Variants in NCKAP5 observed in about 807,000 individuals in gnomAD.
NCKAP5 encodes nck-associated protein 5.
In NCKAP5, 92 loss-of-function variants were observed where a neutral mutation model predicts 167.0. That is an observed-to-expected ratio of 0.55 (90% CI 0.47 to 0.66). The LOEUF is 0.66. Among genes scored for constraint, NCKAP5 ranks in the 30% least tolerant of loss-of-function variants. NCKAP5 has a pLI of 0.00. For synonymous variants in NCKAP5, 891 were observed against 877.4 expected (o/e 1.02, Z -0.27); for missense variants, 2,378 against 2,315.0 (o/e 1.03, Z -0.56).
At chr2:133,238,298 T>C (rs1022736180) in intron 4 of NCKAP5, among the ~76,000 whole-genome samples, 1 of 152,170 alleles carries the variant, frequency 6.6e-6, no homozygotes, top group African/African-American at 2.4e-5. Flanking sequence ...AGAAATAGAA[T>C]CAGTGGATAG....
chr2:133,547,456 C>T (rs1395597325), intron 2 of NCKAP5, among the ~76,000 whole-genome samples: 2 of 152,066 alleles, frequency 1.3e-5, no homozygotes, highest in Non-Finnish European at 2.9e-5. Context: ...CAGCAGTAAC[C>T]TCTGCAGACT....
chr2:133,473,323 C>T (rs1369381941), intron 3 of NCKAP5, among the ~76,000 whole-genome samples: 1 of 148,072 alleles, frequency 6.8e-6, no homozygotes, highest in Non-Finnish European at 1.5e-5. Flanking sequence ...CAGAGCGAGA[C>T]TCCGTCTCAA....
upstream of NCKAP5, among the ~76,000 whole-genome samples, chr2:133,572,953 T>C (rs78313898): frequency 8.4e-3 from 1,279 of 152,304 alleles, 16 homozygotes; most frequent in African/African-American, 0.028. Context: ...CAGACATTGA[T>C]AAAGATCATG....
At chr2:133,321,429 T>G (rs901574312) in intron 3 of NCKAP5, among the ~76,000 whole-genome samples, 16 of 152,248 alleles carry the variant, frequency 1.1e-4, no homozygotes, top group African/African-American at 3.9e-4. Flanking sequence ...ATTCATGTTG[T>G]CTTTACACAT....
intron 3 of NCKAP5, among the ~76,000 whole-genome samples, chr2:133,443,205 C>A (rs1380218482): frequency 6.6e-6 from 1 of 152,206 alleles, no homozygotes; most frequent in Non-Finnish European, 1.5e-5. Context: ...CTCGCTGTCT[C>A]CTTGCCCTGC....
upstream of NCKAP5, among the ~76,000 whole-genome samples, chr2:133,571,737 T>G (rs1013204171): frequency 6.6e-6 from 1 of 152,120 alleles, no homozygotes; most frequent in Admixed American, 6.5e-5. Flanking sequence ...ATGACATGTA[T>G]TACAAGGGAC....
intron 16 of NCKAP5, among the ~76,000 whole-genome samples, chr2:132,733,999 G>A (rs1244893823): frequency 4.6e-5 from 7 of 152,174 alleles, no homozygotes; most frequent in Admixed American, 6.5e-5. Flanking sequence ...GCCATGGGAT[G>A]TTTGGTCATG....
chr2:133,476,232 TTC>T (rs1269421929), intron 3 of NCKAP5, among the ~76,000 whole-genome samples: 38 of 152,354 alleles, frequency 2.5e-4, no homozygotes, highest in African/African-American at 8.9e-4. Flanking sequence ...AATTTATACT[TTC>T]TGTCTTAATA....
At chr2:133,501,492 T>A (rs1056056519) in intron 3 of NCKAP5, among the ~76,000 whole-genome samples, 3 of 152,218 alleles carry the variant, frequency 2.0e-5, no homozygotes, top group African/African-American at 7.2e-5. Flanking sequence ...TACTGGAACT[T>A]AGATTCCACA....
chr2:133,302,727 C>T (rs1206930269), intron 4 of NCKAP5, among the ~76,000 whole-genome samples: 1 of 146,554 alleles, frequency 6.8e-6, no homozygotes, highest in Non-Finnish European at 1.5e-5. Flanking sequence ...CACATGTATA[C>T]ATATGTAACT....
intron 3 of NCKAP5, among the ~76,000 whole-genome samples, chr2:133,399,022 A>G (rs990237686): frequency 3.3e-5 from 5 of 152,170 alleles, no homozygotes; most frequent in Non-Finnish European, 5.9e-5. Flanking sequence ...AATATTTAAG[A>G]AAGGAGGAAC....
intron 3 of NCKAP5, among the ~76,000 whole-genome samples, chr2:133,400,612 A>G (rs1427469137): frequency 6.6e-6 from 1 of 152,190 alleles, no homozygotes; most frequent in Non-Finnish European, 1.5e-5. Context: ...ATTCTTCCCT[A>G]GATCCTTCAG....
intron 11 of NCKAP5, among the ~76,000 whole-genome samples, chr2:132,839,108 T>C (rs1688108154): frequency 6.6e-6 from 1 of 152,182 alleles, no homozygotes; most frequent in Non-Finnish European, 1.5e-5. Flanking sequence ...TTATAGATGT[T>C]TGTCCTCTTA....
At chr2:132,845,094 T>G (rs1248391072) in intron 11 of NCKAP5, among the ~76,000 whole-genome samples, 1 of 152,152 alleles carries the variant, frequency 6.6e-6, no homozygotes, top group African/African-American at 2.4e-5. Flanking sequence ...TCATCAGCCA[T>G]TTGTGTTTCC....
At chr2:132,878,697 C>A (rs942526327) in intron 9 of NCKAP5, 151 bp downstream of exon 9, 6 of 661,826 alleles carry the variant, frequency 9.1e-6, no homozygotes, top group Non-Finnish European at 1.6e-5. Flanking sequence ...ACACACACTT[C>A]CTTTTCAATG....
At chr2:133,230,761 T>G (rs566928287) in intron 4 of NCKAP5, among the ~76,000 whole-genome samples, 47 of 152,336 alleles carry the variant, frequency 3.1e-4, no homozygotes, top group African/African-American at 1.1e-3. Flanking sequence ...TATCTTTTTC[T>G]GAAACCGACT....
chr2:133,589,646 A>AC, the NCKAP5 span, among the ~76,000 whole-genome samples: 1 of 152,214 alleles, frequency 6.6e-6, no homozygotes, highest in African/African-American at 2.4e-5. Flanking sequence ...ACAGTGAGGT[A>AC]ATGTTCAGGC....
At chr2:132,805,096 G>A (rs1685330029) in intron 11 of NCKAP5, among the ~76,000 whole-genome samples, 1 of 152,032 alleles carries the variant, frequency 6.6e-6, no homozygotes, top group Admixed American at 6.6e-5. Context: ...AGATAATTGG[G>A]AAGGAAATAA....
intron 2 of NCKAP5, among the ~76,000 whole-genome samples, chr2:133,540,608 T>C (rs1025881443): frequency 6.6e-6 from 1 of 152,008 alleles, no homozygotes; most frequent in African/African-American, 2.4e-5. Context: ...GGATCAAACA[T>C]GTTTATAAAT....
Sources: allele counts gnomAD v4.1 joint callset (sites outside exome capture counted in the v4.1 genomes callset), GRCh38; gene constraint gnomAD v4.1.1; transcripts MANE v1.5; gene names NCBI Gene and HGNC (gene_info 2026-07-23, HGNC 2026-07-21).